Variants in RAMP3 observed in about 807,000 individuals in gnomAD.
RAMP3 encodes the protein receptor activity modifying protein 3, also known as receptor activity-modifying protein 3.
A neutral mutation model predicts 13.5 loss-of-function variants in RAMP3; 14 were observed. That is an observed-to-expected ratio of 1.04 (90% CI 0.69 to 1.63). RAMP3 has a LOEUF of 1.63. Among genes scored for constraint, RAMP3 ranks in the 40% most tolerant of loss-of-function variants. The pLI, the probability that RAMP3 is intolerant of heterozygous loss-of-function variation, is 0.00. For missense variants in RAMP3, 200 were observed against 204.8 expected (o/e 0.98, Z 0.14); for synonymous variants, 106 against 88.3 (o/e 1.20, Z -1.12).
intron 1 of RAMP3, among the ~76,000 whole-genome samples, chr7:45,175,446 C>A (rs1029175897): frequency 1.3e-5 from 2 of 152,146 alleles, no homozygotes; most frequent in African/African-American, 4.8e-5. Context: ...GATGTGAGTG[C>A]CTACACAGGC....
At chr7:45,160,106 G>A (rs746249425) in intron 1 of RAMP3, among the ~76,000 whole-genome samples, 4 of 151,930 alleles carry the variant, frequency 2.6e-5, no homozygotes, top group Non-Finnish European at 5.9e-5. Context: ...GCCAAGGCGG[G>A]CAGATCTCGA....
intron 1 of RAMP3, chr7:45,163,987 C>A: frequency 1.6e-6 from 1 of 644,520 alleles, no homozygotes; most frequent in Non-Finnish European, 1.9e-6. Flanking sequence ...GGCTGAAAAC[C>A]CACTTCTGCC....
chr7:45,165,891 A>C (rs919644056), intron 1 of RAMP3, among the ~76,000 whole-genome samples: 1 of 152,234 alleles, frequency 6.6e-6, no homozygotes, highest in Admixed American at 6.5e-5. Context: ...TGTACAAATA[A>C]TATTCTATCA....
At chr7:45,177,975 C>T (rs1015685100) in intron 2 of RAMP3, among the ~76,000 whole-genome samples, 3 of 151,076 alleles carry the variant, frequency 2.0e-5, no homozygotes, top group South Asian at 2.1e-4. Flanking sequence ...GTGCCCTGCC[C>T]GGGGAGTGTC....
chr7:45,182,438 G>A (rs1040135127), intron 2 of RAMP3, among the ~76,000 whole-genome samples: 5 of 152,132 alleles, frequency 3.3e-5, no homozygotes, highest in African/African-American at 1.2e-4. Context: ...TTGACCTCTG[G>A]GTCTTGGTGG....
At chr7:45,173,237 G>A (rs1407443727) in intron 1 of RAMP3, among the ~76,000 whole-genome samples, 1 of 152,198 alleles carries the variant, frequency 6.6e-6, no homozygotes, top group Admixed American at 6.5e-5. Flanking sequence ...GCTTTCAGTT[G>A]TTTTCAGTAG....
chr7:45,157,974 C>T (rs1785792171), intron 1 of RAMP3, 88 bp downstream of exon 1: 3 of 1,218,826 alleles, frequency 2.5e-6, no homozygotes, highest in Non-Finnish European at 3.1e-6. Flanking sequence ...CGCACCTGCG[C>T]CGCGGTCCTT....
chr7:45,177,495 C>A, intron 2 of RAMP3, 54 bp downstream of exon 2: 1 of 1,608,160 alleles, frequency 6.2e-7, no homozygotes, highest in Non-Finnish European at 8.5e-7. Context: ...CTGCCCACTG[C>A]CCAACCACTG....
In RAMP3 at chr7:45,183,184, C is replaced by T. The variant is rs755726378; in HGVS notation, c.219C>T (p.Thr73=). ...IVYYESFTNC[T]EMEANVVGCY... Reference sequence around the variant, plus strand: ...ACTATGAGAGTTTCACCAACTGCACCGAGATGGAGGCCAATGTCGTGGGCT... The same window carrying T: ...ACTATGAGAGTTTCACCAACTGCACTGAGATGGAGGCCAATGTCGTGGGCT... Residue 73 remains threonine (T), a synonymous_variant, in exon 3 of 3, where the codon ACC becomes ACT. Transcript: ENST00000242249. The T allele has an allele frequency of 2.3e-5, 37 of 1,612,724 alleles. No individual in the cohort carries two copies. Among genetic ancestry groups the T allele is most frequent in the African/African-American group, 8.0e-5 (6 of 74,924 alleles).
intron 1 of RAMP3, among the ~76,000 whole-genome samples, chr7:45,173,037 G>A (rs557030701): frequency 1.3e-5 from 2 of 152,302 alleles, no homozygotes; most frequent in East Asian, 3.9e-4. Context: ...GTCAGTTTAT[G>A]GGGCCTTTCA....
chr7:45,173,942 G>A (rs3779402), intron 1 of RAMP3, among the ~76,000 whole-genome samples: 8,606 of 152,120 alleles, frequency 0.057, 318 homozygotes, highest in East Asian at 0.099. Flanking sequence ...GCAGAGCCTC[G>A]ACAGCAGGGG....
chr7:45,158,399 A>C (rs896729706), intron 1 of RAMP3, among the ~76,000 whole-genome samples: 3 of 152,182 alleles, frequency 2.0e-5, no homozygotes, highest in Admixed American at 6.5e-5. Flanking sequence ...TGTGTCCTGG[A>C]ACTGGCTGAG....
intron 1 of RAMP3, among the ~76,000 whole-genome samples, chr7:45,173,468 C>A (rs1745715634): frequency 6.6e-6 from 1 of 152,182 alleles, no homozygotes. Context: ...AAAATGTGGC[C>A]TCTCTAATAT....
intron 2 of RAMP3, among the ~76,000 whole-genome samples, chr7:45,178,951 A>G (rs1786249319): frequency 6.6e-6 from 1 of 152,126 alleles, no homozygotes; most frequent in Non-Finnish European, 1.5e-5. Context: ...CCAGGTTGAC[A>G]TTGCGGAGCC....
intron 1 of RAMP3, among the ~76,000 whole-genome samples, chr7:45,174,495 T>C (rs4720501): frequency 0.056 from 8,587 of 152,270 alleles, 319 homozygotes; most frequent in East Asian, 0.1. Flanking sequence ...CCACGCTCCT[T>C]CTGCTACCCG....
At position 45,183,875 on chromosome 7, in the gene RAMP3, T is replaced by A. The variant is rs1786371551; in HGVS notation, c.*463T>A. The A allele has an allele frequency of 2.3e-6, 1 of 429,496 alleles. No individual in the cohort carries two copies. The highest frequency in any genetic ancestry group is 9.7e-5 in the South Asian group (1 of 10,312). The allele number at this position is 429,496 out of a possible 1,614,324, so 26.6% of individuals were successfully genotyped here. A position where few individuals can be genotyped will look rare whatever the true frequency, so the allele number is the denominator to read the frequency against. On this transcript the variant is annotated 3_prime_UTR_variant, in exon 3 of 3. Transcript: ENST00000242249. Reference sequence around the variant, plus strand: ...GCACCAGCCCCAGCTCCTGCCTACATCCAGGCAGAAAGATAGGCAGGGGCT... The same window carrying A: ...GCACCAGCCCCAGCTCCTGCCTACAACCAGGCAGAAAGATAGGCAGGGGCT...
At chr7:45,161,086 T>C (rs1246048388) in intron 1 of RAMP3, among the ~76,000 whole-genome samples, 3 of 152,260 alleles carry the variant, frequency 2.0e-5, no homozygotes, top group Non-Finnish European at 4.4e-5. Flanking sequence ...CCAGAACACC[T>C]GCCTGAGGAT....
intron 1 of RAMP3, among the ~76,000 whole-genome samples, chr7:45,166,502 C>T (rs1404351397): frequency 6.6e-6 from 1 of 152,124 alleles, no homozygotes; most frequent in East Asian, 1.9e-4. Context: ...TTTTTAATTG[C>T]TTTATTTTTC....
chr7:45,179,963 T>C (rs1786270573), intron 2 of RAMP3, among the ~76,000 whole-genome samples: 1 of 152,186 alleles, frequency 6.6e-6, no homozygotes. Context: ...CCGAGGACTG[T>C]GGGATGCAAG....
Sources: allele counts gnomAD v4.1 joint callset (sites outside exome capture counted in the v4.1 genomes callset), GRCh38; gene constraint gnomAD v4.1.1; transcripts MANE v1.5; gene names NCBI Gene and HGNC (gene_info 2026-07-23, HGNC 2026-07-21).